The following VWA3B variants were observed in gnomAD, a reference collection of about 807,000 sequenced individuals.
VWA3B encodes the protein von Willebrand factor A domain containing 3B, also known as von Willebrand factor A domain-containing protein 3B.
In VWA3B, 138 loss-of-function variants were observed where a neutral mutation model predicts 158.3. The ratio of observed to expected loss-of-function variants is 0.87; its 90% CI spans 0.76 to 1.00. The LOEUF (loss-of-function observed/expected upper bound fraction) is 1.00. Among genes scored for constraint, VWA3B ranks in the 50% least tolerant of loss-of-function variants. VWA3B has a pLI of 0.00. For synonymous variants in VWA3B, 596 were observed against 587.3 expected (o/e 1.01, Z -0.21); for missense variants, 1,555 against 1,565.1 (o/e 0.99, Z 0.11).
chr2:98,270,908 T>G (rs1243027859), intron 22 of VWA3B, 25 bp downstream of exon 22: 3 of 1,609,712 alleles, frequency 1.9e-6, no homozygotes, highest in Non-Finnish European at 2.5e-6. Context: ...GGTCTCTGTC[T>G]TTCCTCCCTC....
In VWA3B at chr2:98,087,286, G is replaced by C. The variant is rs761457746; in HGVS notation, c.-110G>C. 2.0e-5 allele frequency: 3 copies of C among 152,188 alleles called. No individual in the cohort carries two copies. Among genetic ancestry groups the C allele is most frequent in the African/African-American group, 7.2e-5 (3 of 41,442 alleles). 9.4% of individuals were successfully genotyped at this position (152,188 alleles called of 1,614,324 possible). ...GGATGCTTACCTCGCCCGCCCTCTCGGGTCAGGCGGGCCCGGGAGGATGGG... is the reference window on the plus strand; with the variant it reads ...GGATGCTTACCTCGCCCGCCCTCTCCGGTCAGGCGGGCCCGGGAGGATGGG... On this transcript the variant is annotated 5_prime_UTR_variant, in exon 1 of 28. Coordinates refer to ENST00000477737, the MANE Select transcript of VWA3B (RefSeq NM_144992.5).
At chr2:98,229,389 G>A (rs1685169359) in intron 15 of VWA3B, among the ~76,000 whole-genome samples, 1 of 152,248 alleles carries the variant, frequency 6.6e-6, no homozygotes, top group South Asian at 2.1e-4. Flanking sequence ...GCGTCGAGGG[G>A]CAGTGGTGCA....
rs781556820 is a variant in VWA3B, at chr2:98,236,448, G to C, written c.2487G>C (p.Thr829=). 6.2e-7 allele frequency: 1 copy of C among 1,614,224 alleles called. No individual in the cohort carries two copies. The change falls in exon 18 of 28, where the codon ACG becomes ACC. Residue 829 remains threonine, a synonymous_variant. Transcript: ENST00000477737. The part of the protein sequence containing the change: ...WLDDKSSEKV[T]REGSQVYDHD... ...ATGACAAATCGTCAGAAAAGGTGAC[G>C]CGAGAAGGAAGCCAGGTTTATGACC...
At chr2:98,222,250 G>A (rs1421337232) in intron 14 of VWA3B, among the ~76,000 whole-genome samples, 3 of 152,200 alleles carry the variant, frequency 2.0e-5, no homozygotes, top group Non-Finnish European at 2.9e-5. Flanking sequence ...CAGAAAGACA[G>A]TTGAACTCTT....
chr2:98,123,085 T>C (rs918133590), intron 5 of VWA3B, among the ~76,000 whole-genome samples: 2 of 152,186 alleles, frequency 1.3e-5, no homozygotes, highest in Non-Finnish European at 2.9e-5. Flanking sequence ...AAAACACATG[T>C]GTGTGTGGCA....
intron 13 of VWA3B, chr2:98,216,982 A>ACCCCCCCCCC (rs139373261): frequency 4.0e-6 from 5 of 1,237,152 alleles, no homozygotes; most frequent in African/African-American, 1.6e-5. Context: ...CATTGTAAGC[A>ACCCCCCCCCC]CCCGCCCCGC....
At chr2:98,174,771 T>C (rs1362942561) in intron 8 of VWA3B, among the ~76,000 whole-genome samples, 1 of 152,202 alleles carries the variant, frequency 6.6e-6, no homozygotes, top group African/African-American at 2.4e-5. Context: ...AGCTCTCATC[T>C]TGGGCTGACC....
intron 20 of VWA3B, among the ~76,000 whole-genome samples, chr2:98,253,346 C>G (rs1390026285): frequency 6.6e-6 from 1 of 152,116 alleles, no homozygotes; most frequent in Non-Finnish European, 1.5e-5. Context: ...AAATGGAAAG[C>G]TCACAGTCCT....
chr2:98,098,754 T>C (rs1255239962), intron 2 of VWA3B, among the ~76,000 whole-genome samples: 2 of 152,144 alleles, frequency 1.3e-5, no homozygotes, highest in African/African-American at 4.8e-5. Flanking sequence ...ATTTTGTTAA[T>C]TGTTTTCTAG....
At chr2:98,094,501 C>A (rs1395883240) in intron 2 of VWA3B, among the ~76,000 whole-genome samples, 2 of 151,930 alleles carry the variant, frequency 1.3e-5, no homozygotes, top group African/African-American at 4.8e-5. Context: ...TATTTAAGTT[C>A]CTTTAATATT....
At chr2:98,240,359 T>G (rs539998431) in intron 19 of VWA3B, among the ~76,000 whole-genome samples, 2 of 152,324 alleles carry the variant, frequency 1.3e-5, no homozygotes, top group South Asian at 4.1e-4. Context: ...TTAATGGATA[T>G]TTACATTGTG....
intron 14 of VWA3B, 68 bp from the exon 15 acceptor site, chr2:98,228,134 A>G: frequency 1.3e-6 from 2 of 1,498,380 alleles, no homozygotes; most frequent in South Asian, 1.4e-5. Context: ...TAAAAAGAAA[A>G]GAAACATGTT....
intron 19 of VWA3B, chr2:98,245,550 T>A (rs1388676534): frequency 4.4e-6 from 2 of 457,016 alleles, no homozygotes; most frequent in Non-Finnish European, 8.8e-6. Flanking sequence ...ACTATCACAC[T>A]GAAGCACACA....
chr2:98,230,062 A>T lies in VWA3B; in HGVS notation c.2163A>T (p.Glu721Asp). The stretch of plus-strand genomic sequence containing the variant: ...TAAATCAAAACAGGCATCAAAAGGA[A>T]ATCTGTTCTATGATTTCAACCCCAG... The part of the protein sequence containing the change: ...EKDGDSKHQK[E>D]ICSMISTPEK... The change falls in exon 16 of 28, where the codon GAA (glutamate) becomes GAT (aspartate). Residue 721 changes from glutamate (E) to aspartate (D), a missense_variant. Transcript: ENST00000477737. 6.4e-7 allele frequency: 1 copy of T among 1,573,950 alleles called. No individual in the cohort carries two copies. Among genetic ancestry groups the T allele is most frequent in the Non-Finnish European group, 8.6e-7 (1 of 1,168,656 alleles).
intron 7 of VWA3B, among the ~76,000 whole-genome samples, chr2:98,142,376 CA>C (rs1676845928): frequency 6.6e-6 from 1 of 152,150 alleles, no homozygotes; most frequent in Non-Finnish European, 1.5e-5. Context: ...TCCCCCAAGC[CA>C]AAGGCAGGCT....
rs558843182 is a variant in VWA3B at position 98,137,559 on chromosome 2, G to A, written c.988+3620G>A. Among the ~76,000 whole-genome samples, 269 of 152,264 alleles carry A rather than the reference G, an allele frequency of 1.8e-3. 1 individual carries two copies. The highest frequency in any genetic ancestry group is 6.2e-3 in the African/African-American group (257 of 41,546). On this transcript the variant is annotated intron_variant, in intron 7 of 27. Coordinates refer to ENST00000477737, the MANE Select transcript of VWA3B (RefSeq NM_144992.5). ...GCCATATTGGAGCCTGAGGCAAGAG[G>A]AGAAATGTGTACCTCTCTATATATA... is the stretch of plus-strand genomic sequence containing the variant.
intron 7 of VWA3B, among the ~76,000 whole-genome samples, chr2:98,152,926 T>A (rs1041216257): frequency 2.6e-5 from 4 of 152,242 alleles, no homozygotes; most frequent in African/African-American, 9.6e-5. Context: ...TGGTGCATAT[T>A]TTCAACTTTA....
intron 26 of VWA3B, among the ~76,000 whole-genome samples, chr2:98,307,137 G>A (rs1690574812): frequency 6.6e-6 from 1 of 152,198 alleles, no homozygotes; most frequent in Admixed American, 6.5e-5. Context: ...TGTTAGAAAT[G>A]CTTATTCCCC....
the VWA3B span, among the ~76,000 whole-genome samples, chr2:98,322,863 A>G: frequency 6.6e-6 from 1 of 152,090 alleles, no homozygotes. Flanking sequence ...AGCCATAAGA[A>G]CAGACTAGAG....
Sources: allele counts gnomAD v4.1 joint callset (sites outside exome capture counted in the v4.1 genomes callset), GRCh38; gene constraint gnomAD v4.1.1; transcripts MANE v1.5; gene names NCBI Gene and HGNC (gene_info 2026-07-23, HGNC 2026-07-21).